The following CEL variants were observed in gnomAD, a reference collection of about 807,000 sequenced individuals.
CEL encodes the protein carboxyl ester lipase.
CEL carries 39 observed loss-of-function variants against 57.1 expected under a neutral mutation model. The observed-to-expected ratio is 0.68, with a 90% confidence interval of 0.53 to 0.89. The LOEUF (loss-of-function observed/expected upper bound fraction) is 0.89. Among genes scored for constraint, CEL ranks in the 40% least tolerant of loss-of-function variants. The pLI, the probability that CEL is intolerant of heterozygous loss-of-function variation, is 0.00. For missense variants in CEL, 698 were observed against 915.0 expected (o/e 0.76, Z 3.06); for synonymous variants, 314 against 396.6 (o/e 0.79, Z 2.48).
At position 133,071,495 on chromosome 9, in the gene CEL, T is replaced by G. The variant is rs2480922; in HGVS notation, c.1993T>G (p.Ser665Ala). 2.4e-5 allele frequency: 14 copies of G among 591,522 alleles called. No homozygotes were observed. In the African/African-American group the frequency reaches 2.6e-4, roughly 11 times the overall value. The allele number at this position is 591,522 out of a possible 1,614,324, so 36.6% of individuals were successfully genotyped here. A position where few individuals can be genotyped will look rare whatever the true frequency, so the allele number is the denominator to read the frequency against. ...GAPPVPPTGD[S>A]GAPPVPPTGD... ...CCCCCCCGTGCCGCCCACGGGTGAC[T>G]CCGGCGCCCCCCCCGTGCCGCCCAC... Residue 665 changes from serine to alanine, a missense_variant, in exon 11 of 11, where the codon TCC (serine) becomes GCC (alanine). Transcript: ENST00000372080.
chr9:133,070,571 C>T lies in CEL; in HGVS notation c.1397C>T (p.Pro466Leu). The T allele has an allele frequency of 6.2e-7, 1 of 1,614,106 alleles. No homozygotes were observed. Among genetic ancestry groups the T allele is most frequent in the Non-Finnish European group, 8.5e-7 (1 of 1,180,016 alleles). The change falls in exon 10 of 11, where the codon CCC becomes CTC. Residue 466 changes from proline to leucine, a missense_variant. Coordinates refer to ENST00000372080, the MANE Select transcript of CEL (RefSeq NM_001807.6). ...ADDIQYVFGK[P>L]FATPTGYRPQ... is the part of the protein sequence containing the mutation. ...GACATTCAGTACGTTTTCGGGAAGCCCTTCGCCACCCCCACGGGCTACCGG... is the reference window on the plus strand; with the variant it reads ...GACATTCAGTACGTTTTCGGGAAGCTCTTCGCCACCCCCACGGGCTACCGG...
At position 133,070,618 on chromosome 9, in the gene CEL, A is replaced by G. The variant is rs1171599017; in HGVS notation, c.1444A>G (p.Lys482Glu). Reference sequence around the variant, plus strand: ...CCGGCCCCAAGACAGGACAGTCTCTAAGGCCATGATCGCCTACTGGACCAA... The same window carrying G: ...CCGGCCCCAAGACAGGACAGTCTCTGAGGCCATGATCGCCTACTGGACCAA... ...GYRPQDRTVS[K>E]AMIAYWTNFA... Residue 482 changes from lysine (K) to glutamate (E), a missense_variant, in exon 10 of 11, where the codon AAG becomes GAG. Around this residue, in one of 6 missense-constraint regions of CEL, gnomAD observed 111 missense variants for 147.3 expected, o/e 0.75. Transcript: ENST00000372080. 1.2e-6 allele frequency: 2 copies of G among 1,614,090 alleles called. No homozygotes were observed. The highest frequency in any genetic ancestry group is 1.7e-6 in the Non-Finnish European group (2 of 1,180,042).
Position 133,066,271 on chromosome 9 carries a change from C to G in CEL, c.539-259C>G, listed in dbSNP as rs1830177369. On this transcript the variant is annotated intron_variant, in intron 4 of 10. Transcript: ENST00000372080. This position sits in a 1 kb window ranked among gnomAD's most constrained non-coding sequence, Gnocchi z 4.3. Reference sequence around the variant, plus strand: ...AACCCAACCTCCTGGGGACCCACCCCATACAGCACCGCACCCGACTCAGCC... The same window carrying G: ...AACCCAACCTCCTGGGGACCCACCCGATACAGCACCGCACCCGACTCAGCC... Among the ~76,000 whole-genome samples the G allele has an allele frequency of 6.6e-6, 1 of 151,784 alleles. No homozygotes were observed. The highest frequency in any genetic ancestry group is 1.5e-5 in the Non-Finnish European group (1 of 67,926).
rs917146112 is a variant in CEL at position 133,066,806 on chromosome 9, G to A, written c.670-32G>A. Reference sequence around the variant, plus strand: ...GCGTGGGGTGGGCAGAGTGGGGAGCGGCCTTGGTGACGGGATTTCTGGGTC... The same window carrying A: ...GCGTGGGGTGGGCAGAGTGGGGAGCAGCCTTGGTGACGGGATTTCTGGGTC... On this transcript the variant is annotated intron_variant, in intron 5 of 10. Coordinates refer to ENST00000372080, the MANE Select transcript of CEL (RefSeq NM_001807.6). This position sits in a 1 kb window ranked among gnomAD's most constrained non-coding sequence, Gnocchi z 4.3. The A allele has an allele frequency of 6.2e-7, 1 of 1,607,840 alleles. No individual in the cohort carries two copies. Among genetic ancestry groups the A allele is most frequent in the African/African-American group, 1.3e-5 (1 of 74,680 alleles).
Position 133,070,997 on chromosome 9 carries a change from A to G in CEL, c.1495A>G (p.Met499Val). The change falls in exon 11 of 11, where the codon ATG becomes GTG. Residue 499 changes from methionine (M) to valine (V), a missense_variant. Physicochemically the swap from Met to Val is conservative, Grantham distance 21. Transcript: ENST00000372080. The part of the protein sequence containing the change: ...TNFAKTGDPN[M>V]GDSAVPTHWE... ...CTTCTCACTCTGCAGGGACCCCAACATGGGCGACTCGGCTGTGCCCACACA... is the reference window on the plus strand; with the variant it reads ...CTTCTCACTCTGCAGGGACCCCAACGTGGGCGACTCGGCTGTGCCCACACA... The G allele has an allele frequency of 6.2e-7, 1 of 1,613,530 alleles. No individual in the cohort carries two copies. The highest frequency in any genetic ancestry group is 8.5e-7 in the Non-Finnish European group (1 of 1,179,796).
intron 1 of CEL, among the ~76,000 whole-genome samples, chr9:133,062,339 A>G (rs879276501): frequency 0.053 from 5,478 of 102,618 alleles, 2 homozygotes; most frequent in Middle Eastern, 0.13. Flanking sequence ...CACACCTGCA[A>G]TCCCACCAGT....
chr9:133,063,927 C>A (rs1193239439), intron 1 of CEL, among the ~76,000 whole-genome samples: 1 of 152,114 alleles, frequency 6.6e-6, no homozygotes, highest in Non-Finnish European at 1.5e-5. Flanking sequence ...CAGGCCCCAC[C>A]CCTCAGAAAG....
In CEL at chr9:133,071,227, T is replaced by G. The variant is rs758465429; in HGVS notation, c.1725T>G (p.Gly575=). The G allele has an allele frequency of 2.5e-6, 4 of 1,590,874 alleles. No individual in the cohort carries two copies. The highest frequency in any genetic ancestry group is 1.4e-5 in the African/African-American group (1 of 73,894). Residue 575 remains glycine (G), a synonymous_variant, in exon 11 of 11, where the codon GGT becomes GGG. Coordinates refer to ENST00000372080, the MANE Select transcript of CEL (RefSeq NM_001807.6). ...AGGCCACTCCCGTGCCCCCCACGGG[T>G]GACTCCGAGACCGCCCCCGTGCCGC... ...DSEATPVPPT[G]DSETAPVPPT... is the part of the protein sequence containing the mutation.
chr9:133,065,073 A>T lies in CEL; in HGVS notation c.374A>T (p.Tyr125Phe), dbSNP rs564719294. The change falls in exon 4 of 11, where the codon TAT becomes TTT. Residue 125 changes from tyrosine to phenylalanine, a missense_variant. By Grantham distance (22) the Tyr-to-Phe change is conservative. Around this residue, in one of 6 missense-constraint regions of CEL, gnomAD observed 327 missense variants for 374.1 expected, o/e 0.87. Transcript: ENST00000372080. Reference protein sequence around the residue: ...SRDLPVMIWIYGGAFLMGSGH... With the variant: ...SRDLPVMIWIFGGAFLMGSGH... ...GACCTGCCCGTTATGATCTGGATCTATGGAGGCGCCTTCCTCATGGGGTCC... is the reference window on the plus strand; with the variant it reads ...GACCTGCCCGTTATGATCTGGATCTTTGGAGGCGCCTTCCTCATGGGGTCC... 5 of 1,613,608 alleles carry T rather than the reference A, an allele frequency of 3.1e-6. No individual in the cohort carries two copies. The East Asian group carries it at 8.9e-5, about 29-fold the overall frequency.
intron 7 of CEL, 29 bp from the exon 8 acceptor site, chr9:133,068,643 C>T: frequency 1.9e-6 from 3 of 1,613,440 alleles, no homozygotes; most frequent in Non-Finnish European, 2.5e-6. Context: ...GGTACAAGAA[C>T]CTGCTAACCT....
At chr9:133,068,228 C>T (rs866661096) in intron 7 of CEL, among the ~76,000 whole-genome samples, 1 of 152,182 alleles carries the variant, frequency 6.6e-6, no homozygotes, top group South Asian at 2.1e-4. Flanking sequence ...GACCTCCCAC[C>T]ATTTTTGGCT....
At chr9:133,069,723 C>T (rs1178684507) in intron 9 of CEL, among the ~76,000 whole-genome samples, 1 of 152,106 alleles carries the variant, frequency 6.6e-6, no homozygotes, top group Non-Finnish European at 1.5e-5. Flanking sequence ...GTAATCCCAG[C>T]ACATTGGGAG....
Position 133,071,165 on chromosome 9 carries a change from C to G in CEL, c.1663C>G (p.Gln555Glu), listed in dbSNP as rs1202873176. ...TYLALPTVTD[Q>E]EATPVPPTGD... ...TCTGGCGCTGCCCACAGTGACCGAC[C>G]AGGAGGCCACCCCTGTGCCCCCCAC... The change falls in exon 11 of 11, where the codon CAG becomes GAG. Residue 555 changes from glutamine to glutamate, a missense_variant. This residue lies in a region of CEL where 238 missense variants were observed against 213.7 expected (regional missense o/e 1.11). Transcript: ENST00000372080. 1.9e-6 allele frequency: 3 copies of G among 1,607,986 alleles called. No individual in the cohort carries two copies. Among genetic ancestry groups the G allele is most frequent in the Non-Finnish European group, 2.5e-6 (3 of 1,179,506 alleles).
chr9:133,062,228 C>G (rs1830102949), intron 1 of CEL, among the ~76,000 whole-genome samples, 160 bp downstream of exon 1: 1 of 151,848 alleles, frequency 6.6e-6, no homozygotes, highest in African/African-American at 2.4e-5. Context: ...ACACAGGATG[C>G]CCAATTCCAT....
At chr9:133,065,861 AAAAAAAAAT>A (rs1466392210) in intron 4 of CEL, among the ~76,000 whole-genome samples, 1 of 151,446 alleles carries the variant, frequency 6.6e-6, no homozygotes, top group African/African-American at 2.4e-5. Context: ...AAAAAAAAAA[AAAAAAAAAT>A]AGCCAGGCGT....
intron 1 of CEL, 73 bp from the exon 2 acceptor site, chr9:133,064,331 C>T: frequency 1.2e-6 from 2 of 1,601,852 alleles, no homozygotes; most frequent in South Asian, 1.1e-5. Flanking sequence ...GCGGAGTCGG[C>T]TTGCCTTGCC....
In CEL at chr9:133,071,646, C is replaced by T. The variant is rs368091098; in HGVS notation, c.2144C>T (p.Pro715Leu). 2.5e-5 allele frequency: 38 copies of T among 1,539,496 alleles called. No individual in the cohort carries two copies. The highest frequency in any genetic ancestry group is 1.7e-4 in the Middle Eastern group (1 of 5,794). ...GGTGACTCCGAGACCGCCCCCGTGCCGCCCACGGGTGACTCCGGGGCCCCC... is the reference window on the plus strand; with the variant it reads ...GGTGACTCCGAGACCGCCCCCGTGCTGCCCACGGGTGACTCCGGGGCCCCC... ...PTGDSETAPV[P>L]PTGDSGAPPV... The change falls in exon 11 of 11, where the codon CCG (proline) becomes CTG (leucine). Residue 715 changes from proline (P) to leucine (L), a missense_variant. By Grantham distance (98) the Pro-to-Leu change is moderately conservative. This residue lies in a region of CEL where 238 missense variants were observed against 213.7 expected (regional missense o/e 1.11). Transcript: ENST00000372080.
Position 133,067,723 on chromosome 9 carries a change from G to A in CEL, c.895+518G>A, listed in dbSNP as rs552603312. Among the ~76,000 whole-genome samples the A allele has an allele frequency of 3.9e-5, 6 of 152,276 alleles. No individual in the cohort carries two copies. The East Asian group carries it at 1.2e-3, about 29-fold the overall frequency. ...GTTACAGACTCCCCTTTGAGAAGCT[G>A]ATGAACATTTGGGGCCCCCTCCCCC... On this transcript the variant is annotated intron_variant, in intron 7 of 10. Transcript: ENST00000372080.
chr9:133,065,418 C>T (rs1830162433), intron 4 of CEL, among the ~76,000 whole-genome samples, 181 bp downstream of exon 4: 1 of 152,182 alleles, frequency 6.6e-6, no homozygotes, highest in African/African-American at 2.4e-5. Context: ...AAAGATGCTG[C>T]AGAGGCCGGG....
Sources: allele counts gnomAD v4.1 joint callset (sites outside exome capture counted in the v4.1 genomes callset), GRCh38; gene constraint gnomAD v4.1.1; regional missense constraint gnomAD v4.1.1; non-coding constraint Gnocchi (gnomAD v3.1); transcripts MANE v1.5; gene names NCBI Gene and HGNC (gene_info 2026-07-23, HGNC 2026-07-21).